Variants in APPBP2 observed in about 807,000 individuals in gnomAD.
APPBP2 encodes the protein amyloid beta precursor protein binding protein 2, also known as amyloid protein-binding protein 2.
In APPBP2, 15 loss-of-function variants were observed where a neutral mutation model predicts 76.0. The observed-to-expected ratio is 0.20, with a 90% CI of 0.13 to 0.30. The LOEUF is 0.30. Ranked by LOEUF, APPBP2 falls within the 10% of genes least tolerant of loss-of-function variation. APPBP2 has a pLI of 1.00. For missense variants in APPBP2, 401 were observed against 687.2 expected, an observed-to-expected ratio of 0.58 and a Z score of 4.66; for synonymous variants, 222 against 242.2, an observed-to-expected ratio of 0.92 and a Z score of 0.77.
intron 3 of APPBP2, among the ~76,000 whole-genome samples, chr17:60,483,320 G>A (rs949562055): frequency 2.0e-5 from 3 of 152,106 alleles, no homozygotes; most frequent in African/African-American, 7.2e-5. Context: ...TGTAGATTCT[G>A]GGTATCAGCC....
chr17:60,460,881 T>TC, intron 8 of APPBP2, 94 bp from the exon 9 acceptor site: 1 of 1,255,116 alleles, frequency 8.0e-7, no homozygotes, highest in Non-Finnish European at 1.0e-6. Context: ...TCTATATGCC[T>TC]AACACCATAA....
At chr17:60,459,676 G>A (rs2090462332) in intron 9 of APPBP2, 1 of 152,200 alleles carries the variant, frequency 6.6e-6, no homozygotes, top group African/African-American at 2.4e-5. Context: ...ATTTTTAGTA[G>A]AGATGGCATT....
chr17:60,518,145 C>T (rs550597605), intron 1 of APPBP2, among the ~76,000 whole-genome samples: 1 of 150,950 alleles, frequency 6.6e-6, no homozygotes, highest in African/African-American at 2.4e-5. Flanking sequence ...GCAACCTCCG[C>T]ATCCTGGGCT....
At chr17:60,448,566 G>A (rs1035574086) in intron 12 of APPBP2, among the ~76,000 whole-genome samples, 14 of 152,196 alleles carry the variant, frequency 9.2e-5, no homozygotes, top group Non-Finnish European at 5.9e-5. Flanking sequence ...AAAACACGTA[G>A]AATAGTTTAA....
intron 3 of APPBP2, among the ~76,000 whole-genome samples, chr17:60,492,711 A>G (rs2090740024): frequency 1.3e-5 from 2 of 152,198 alleles, no homozygotes; most frequent in Admixed American, 6.5e-5. Flanking sequence ...CCCCCACTGT[A>G]TCTAGGAAAT....
At chr17:60,478,781 A>AT (rs201245566) in intron 4 of APPBP2, among the ~76,000 whole-genome samples, 1,574 of 152,238 alleles carry the variant, frequency 0.01, 12 homozygotes, top group Non-Finnish European at 0.018. Context: ...TAATTGGCGC[A>AT]TGCCTGTAAT....
At chr17:60,505,347 G>A (rs1218783052) in intron 1 of APPBP2, among the ~76,000 whole-genome samples, 1 of 152,206 alleles carries the variant, frequency 6.6e-6, no homozygotes, top group Non-Finnish European at 1.5e-5. Context: ...ACGGAGTCTC[G>A]CTCTGTCGCC....
intron 1 of APPBP2, among the ~76,000 whole-genome samples, chr17:60,521,665 C>T (rs1167772452): frequency 1.3e-5 from 2 of 152,196 alleles, no homozygotes; most frequent in Non-Finnish European, 2.9e-5. Flanking sequence ...TATCCTCCCA[C>T]CTCTGTCTCC....
intron 3 of APPBP2, 135 bp downstream of exon 3, chr17:60,494,331 G>A (rs1206421302): frequency 7.2e-6 from 6 of 832,648 alleles, no homozygotes; most frequent in Non-Finnish European, 1.1e-5. Flanking sequence ...CTTTGGCATG[G>A]GGTTAAGTGG....
chr17:60,475,442 T>G (rs78313572), intron 4 of APPBP2, among the ~76,000 whole-genome samples: 12,479 of 152,036 alleles, frequency 0.082, 1,697 homozygotes, highest in African/African-American at 0.28. Context: ...CTCGATTATT[T>G]CCCTCAGATA....
intron 1 of APPBP2, among the ~76,000 whole-genome samples, chr17:60,510,428 A>C (rs1231430737): frequency 6.6e-6 from 1 of 151,818 alleles, no homozygotes; most frequent in Non-Finnish European, 1.5e-5. Context: ...AAAAAGTAAA[A>C]AACTCATCTG....
chr17:60,475,295 T>C (rs2090581794), intron 4 of APPBP2, among the ~76,000 whole-genome samples: 1 of 151,978 alleles, frequency 6.6e-6, no homozygotes. Context: ...CATAACATGA[T>C]AGTTTCATTA....
chr17:60,500,249 T>C (rs1334605467), intron 2 of APPBP2, 150 bp downstream of exon 2: 3 of 535,446 alleles, frequency 5.6e-6, no homozygotes, highest in Non-Finnish European at 6.6e-6. Context: ...CCTCGTGATC[T>C]GCCCACCTCA....
Position 60,494,558 on chromosome 17 carries a change from A to G in APPBP2, c.287T>C (p.Val96Ala). 2 of 1,611,936 alleles carry G rather than the reference A, an allele frequency of 1.2e-6. No homozygotes were observed. Among genetic ancestry groups the G allele is most frequent in the Non-Finnish European group, 1.7e-6 (2 of 1,179,644 alleles). ...CCGCCTACTGAATGAGTAGGCCAAGACTGAAGCAACTTTAACACCATGATC... is the reference window on the plus strand; with the variant it reads ...CCGCCTACTGAATGAGTAGGCCAAGGCTGAAGCAACTTTAACACCATGATC... ...LMDHGVKVAS[V>A]LAYSFSRRCS... The change falls in exon 3 of 13, where the codon GTC (valine) becomes GCC (alanine). Residue 96 changes from valine to alanine, a missense_variant. Around this residue, in one of 5 missense-constraint regions of APPBP2, gnomAD observed 149 missense variants for 198.4 expected, o/e 0.75. Coordinates refer to ENST00000083182, the MANE Select transcript of APPBP2 (RefSeq NM_006380.5).
chr17:60,473,705 A>T (rs772547604), intron 4 of APPBP2, among the ~76,000 whole-genome samples: 1 of 152,216 alleles, frequency 6.6e-6, no homozygotes, highest in Admixed American at 6.5e-5. Flanking sequence ...TTATACCAAT[A>T]TATTTAAAAT....
intron 3 of APPBP2, among the ~76,000 whole-genome samples, chr17:60,489,147 G>A (rs1025322040): frequency 6.6e-5 from 10 of 151,814 alleles, no homozygotes; most frequent in South Asian, 4.2e-4. Flanking sequence ...GCTTGAACCC[G>A]GGAGGAGGAG....
At chr17:60,521,928 C>A (rs189216308) in intron 1 of APPBP2, among the ~76,000 whole-genome samples, 11 of 152,300 alleles carry the variant, frequency 7.2e-5, no homozygotes, top group African/African-American at 2.6e-4. Flanking sequence ...GTTACAACTG[C>A]CTACGGTACT....
chr17:60,502,893 T>C (rs933468381), intron 1 of APPBP2, among the ~76,000 whole-genome samples: 1 of 146,598 alleles, frequency 6.8e-6, no homozygotes, highest in Non-Finnish European at 1.5e-5. Context: ...GTTATACAAC[T>C]ACTTTGCCTA....
At chr17:60,486,973 G>A (rs1249568356) in intron 3 of APPBP2, among the ~76,000 whole-genome samples, 1 of 152,160 alleles carries the variant, frequency 6.6e-6, no homozygotes, top group East Asian at 1.9e-4. Context: ...GGCTGGATAT[G>A]AAATTCTGGG....
Sources: gnomAD v4.1 joint callset for allele counts (sites outside exome capture counted in the v4.1 genomes callset) on GRCh38, gnomAD v4.1.1 for gene constraint, gnomAD v4.1.1 regional missense constraint, MANE v1.5 for transcripts, NCBI Gene and HGNC (gene_info 2026-07-23, HGNC 2026-07-21) for gene names.